ZNF343: variants seen among roughly 807,000 people sequenced by gnomAD.
ZNF343 encodes zinc finger protein 343.
In ZNF343, 11 loss-of-function variants were observed where a neutral mutation model predicts 13.8. The observed-to-expected ratio is 0.80, with a 90% CI of 0.50 to 1.32. The LOEUF (loss-of-function observed/expected upper bound fraction) is 1.32. ZNF343 is among the 40% of genes most tolerant of loss of function. The probability of loss-of-function intolerance (pLI) is 0.00; values close to 1 mark genes in which losing one functional copy is unlikely to be tolerated. For missense variants in ZNF343, 658 were observed against 714.2 expected, an observed-to-expected ratio of 0.92 and a Z score of 0.90; for synonymous variants, 248 against 260.0, an observed-to-expected ratio of 0.95 and a Z score of 0.44.
chr20:2,511,680 A>G (rs1449433736), upstream of ZNF343, among the ~76,000 whole-genome samples: 1 of 152,212 alleles, frequency 6.6e-6, no homozygotes, highest in Admixed American at 6.5e-5. Context: ...TCTATTCATA[A>G]AAGAGAAAAT....
At chr20:2,491,756 A>T (rs1207377540) in intron 5 of ZNF343, 2 of 152,240 alleles carry the variant, frequency 1.3e-5, no homozygotes, top group Non-Finnish European at 2.9e-5. Flanking sequence ...CTGTAAAAAC[A>T]GTTATTGTTT....
intron 1 of ZNF343, among the ~76,000 whole-genome samples, chr20:2,519,652 G>A (rs2085774348): frequency 6.6e-6 from 1 of 152,164 alleles, no homozygotes; most frequent in African/African-American, 2.4e-5. Context: ...GGAGAACCCT[G>A]ACTCATTCAG....
Position 2,493,941 on chromosome 20 carries a change from T to TA in ZNF343, c.-47_-46insT, listed in dbSNP as rs1568480983. 1 of 1,262,234 alleles carries TA rather than the reference T, an allele frequency of 7.9e-7. No homozygotes were observed. Among genetic ancestry groups the TA allele is most frequent in the African/African-American group, 1.5e-5 (1 of 67,924 alleles). 78.2% of individuals were successfully genotyped at this position (1,262,234 alleles called of 1,614,324 possible). On this transcript the variant is annotated 5_prime_UTR_variant, in exon 3 of 6. Transcript: ENST00000278772. ...GTGTGCCTTGAAATTCTGCCAGAGG[T>TA]CCAGGTAGATGTTATTTCATCTCAA...
At chr20:2,509,680 T>G (rs1056432984), upstream of ZNF343, among the ~76,000 whole-genome samples, 1 of 152,194 alleles carries the variant, frequency 6.6e-6, no homozygotes, top group Non-Finnish European at 1.5e-5. Context: ...GTTAAATGTA[T>G]ATATTTTAAA....
intron 2 of ZNF343, among the ~76,000 whole-genome samples, chr20:2,498,930 T>C (rs2085507705): frequency 6.6e-6 from 1 of 152,088 alleles, no homozygotes; most frequent in African/African-American, 2.4e-5. Context: ...ACCTCCACTT[T>C]CCAGGCTCAA....
At chr20:2,506,385 G>A (rs2122719726) in intron 1 of ZNF343, among the ~76,000 whole-genome samples, 1 of 152,106 alleles carries the variant, frequency 6.6e-6, no homozygotes, top group South Asian at 2.1e-4. Context: ...AAGTCAGTGT[G>A]GCGATTCCTC....
intron 2 of ZNF343, among the ~76,000 whole-genome samples, chr20:2,496,373 G>C (rs2085459052): frequency 2.6e-5 from 4 of 152,168 alleles, no homozygotes; most frequent in Admixed American, 2.6e-4. Context: ...TGTGGCAGGA[G>C]GGTGTAAGTG....
At chr20:2,520,056 A>T (rs983733167) in intron 1 of ZNF343, among the ~76,000 whole-genome samples, 2 of 152,116 alleles carry the variant, frequency 1.3e-5, no homozygotes, top group Non-Finnish European at 2.9e-5. Flanking sequence ...TCTGTTTCTT[A>T]GCTTGTTTAC....
At chr20:2,493,234 A>T (rs149997553) in intron 4 of ZNF343, among the ~76,000 whole-genome samples, 1 of 152,256 alleles carries the variant, frequency 6.6e-6, no homozygotes, top group African/African-American at 2.4e-5. Flanking sequence ...AGTGGTAAAG[A>T]TTTAGAGGAG....
rs1568470099 is a variant in ZNF343, at chr20:2,483,421, T to C, written c.1540A>G (p.Thr514Ala). 1 of 1,611,090 alleles carries C rather than the reference T, an allele frequency of 6.2e-7. No individual in the cohort carries two copies. The highest frequency in any genetic ancestry group is 8.5e-7 in the Non-Finnish European group (1 of 1,179,444). ...ATATAAGGCTTCTCATTTGAGTGCG[T>C]CCTCTGGTGTCTGATGAGATTTGAC... ...QKSNLIRHQRTHSNEKPYICR... is the reference protein window; with the variant it reads ...QKSNLIRHQRAHSNEKPYICR... Residue 514 changes from threonine to alanine, a missense_variant, in exon 6 of 6, where the codon ACG (threonine) becomes GCG (alanine). Physicochemically the swap from Thr to Ala is moderately conservative, Grantham distance 58. Transcript: ENST00000278772.
chr20:2,513,374 T>C (rs2085746416), upstream of ZNF343, among the ~76,000 whole-genome samples: 1 of 152,240 alleles, frequency 6.6e-6, no homozygotes, highest in Admixed American at 6.5e-5. Context: ...AAATGCTTAC[T>C]GTCACTAATA....
chr20:2,513,601 A>C (rs957873301), upstream of ZNF343, among the ~76,000 whole-genome samples: 2 of 152,258 alleles, frequency 1.3e-5, no homozygotes, highest in Admixed American at 1.3e-4. Flanking sequence ...ACATAGAATT[A>C]GCATTTGACC....
rs193004810 is a variant in ZNF343 at position 2,517,405 on chromosome 20, A to G, written c.-347+7050T>C. ...ACACATATATAGCTGATGTATATGT[A>G]TATATATACACACATATACATATAC... is the stretch of plus-strand genomic sequence containing the variant. On this transcript the variant is annotated intron_variant, in intron 1 of 6. Transcript: ENST00000358413. Among the ~76,000 whole-genome samples the G allele has an allele frequency of 7.7e-3, 1,171 of 152,026 alleles. 4 individuals carry two copies. The highest frequency in any genetic ancestry group is 0.017 in the Middle Eastern group (5 of 294).
chr20:2,493,888 A>G lies in ZNF343; in HGVS notation c.8T>C (p.Leu3Ser). MM[L>S]PYPSALGDQY... ...ATCTCCCAGTGCTGAAGGATAAGGC[A>G]ACATCATGGCGCCAGAGTCAGCCCA... The change falls in exon 3 of 6, where the codon TTG becomes TCG. Residue 3 changes from leucine (L) to serine (S), a missense_variant. Transcript: ENST00000278772. 6.2e-7 allele frequency: 1 copy of G among 1,611,598 alleles called. No homozygotes were observed.
intron 2 of ZNF343, among the ~76,000 whole-genome samples, chr20:2,494,901 T>C (rs1254515703): frequency 6.6e-6 from 1 of 152,208 alleles, no homozygotes; most frequent in Non-Finnish European, 1.5e-5. Context: ...TAGCTTCCAT[T>C]GCTATGCATG....
upstream of ZNF343, among the ~76,000 whole-genome samples, chr20:2,513,318 T>C (rs1361896724): frequency 6.6e-6 from 1 of 152,158 alleles, no homozygotes; most frequent in Non-Finnish European, 1.5e-5. Flanking sequence ...ATAAACATTT[T>C]GAAGAAATAA....
In ZNF343 at chr20:2,497,858, C is replaced by T. The variant is rs186632474; in HGVS notation, c.-150+2798G>A. On this transcript the variant is annotated intron_variant, in intron 2 of 5. Transcript: ENST00000278772. ...GCCCAACCTACTTCTCAATCTGAAC[C>T]CCCCGTACCCACCCGCCCCGGCTCC... 7.4e-3 allele frequency among the ~76,000 whole-genome samples: 1,123 copies of T among 152,164 alleles called. 12 individuals carry two copies. Among genetic ancestry groups the T allele is most frequent in the African/African-American group, 0.026 (1,082 of 41,498 alleles).
intron 5 of ZNF343, chr20:2,486,540 G>A (rs2085283851): frequency 6.6e-6 from 1 of 152,198 alleles, no homozygotes; most frequent in African/African-American, 2.4e-5. Context: ...GCTGAGGCAG[G>A]TGGATCACCT....
In ZNF343 at chr20:2,483,379, G is replaced by A. The variant is rs371356514; in HGVS notation, c.1582C>T (p.Arg528Ter). Residue 528 changes from arginine to a stop codon, truncating the protein, a stop_gained, in exon 6 of 6, where the codon CGA becomes TGA. Coordinates refer to ENST00000278772, the MANE Select transcript of ZNF343 (RefSeq NM_024325.6). LOFTEE classifies it low-confidence loss of function (END_TRUNC). ...AGGGTTGACTTGTCACAAAAGCCTC[G>A]CCCACATTCCCTGCAAATATAAGGC... Reference protein sequence around the residue: ...EKPYICRECGRGFCDKSTLIV... With the variant: ...EKPYICRECG 387 of 1,611,410 alleles carry A rather than the reference G, an allele frequency of 2.4e-4. 7 individuals carry two copies. In the South Asian group the frequency reaches 3.9e-3, roughly 16 times the overall value.
Sources: gnomAD v4.1 joint callset for allele counts (sites outside exome capture counted in the v4.1 genomes callset) on GRCh38, gnomAD v4.1.1 for gene constraint, MANE v1.5 for transcripts, NCBI Gene and HGNC (gene_info 2026-07-23, HGNC 2026-07-21) for gene names.